The following FREM2 variants were observed in gnomAD, a reference collection of about 807,000 sequenced individuals.
FREM2 encodes the protein FRAS1 related extracellular matrix 2, also known as FRAS1-related extracellular matrix protein 2.
A neutral mutation model predicts 219.9 loss-of-function variants in FREM2; 119 were observed. That is an observed-to-expected ratio of 0.54 (90% CI 0.47 to 0.63). FREM2 has a LOEUF of 0.63. Among genes scored for constraint, FREM2 ranks in the 30% least tolerant of loss-of-function variants. The pLI is 0.00. For missense variants in FREM2, 4,030 were observed against 3,993.6 expected (o/e 1.01, Z -0.25); for synonymous variants, 1,562 against 1,522.8 (o/e 1.03, Z -0.60).
intron 6 of FREM2, among the ~76,000 whole-genome samples, chr13:38,820,321 C>T (rs889827409): frequency 3.3e-5 from 5 of 152,058 alleles, no homozygotes; most frequent in African/African-American, 1.2e-4. Flanking sequence ...CACTATCTGC[C>T]TGATTCCCAT....
chr13:38,790,059 C>A (rs2137837505), intron 6 of FREM2, among the ~76,000 whole-genome samples: 1 of 152,146 alleles, frequency 6.6e-6, no homozygotes, highest in African/African-American at 2.4e-5. Context: ...GGGTCGATTT[C>A]TATGTTATGT....
In FREM2 at chr13:38,687,562, T is replaced by C. The variant is rs2138061357; in HGVS notation, c.218T>C (p.Val73Ala). 1 of 1,603,040 alleles carries C rather than the reference T, an allele frequency of 6.2e-7. No individual in the cohort carries two copies. The highest frequency in any genetic ancestry group is 8.5e-7 in the Non-Finnish European group (1 of 1,174,384). ...GGGGTCCCTGCTGAGGAGGCCATAGTGCTGGCGAACCGCGGACTCCGGGTG... is the reference window on the plus strand; with the variant it reads ...GGGGTCCCTGCTGAGGAGGCCATAGCGCTGGCGAACCGCGGACTCCGGGTG... ...AAGVPAEEAI[V>A]LANRGLRVPF... The change falls in exon 1 of 24, where the codon GTG becomes GCG. Residue 73 changes from valine (V) to alanine (A), a missense_variant. Coordinates refer to ENST00000280481, the MANE Select transcript of FREM2 (RefSeq NM_207361.6).
Position 38,881,010 on chromosome 13 carries a change from C to A in FREM2, c.*223C>A. The A allele has an allele frequency of 1.6e-6, 1 of 614,140 alleles. No homozygotes were observed. The highest frequency in any genetic ancestry group is 2.9e-6 in the Non-Finnish European group (1 of 341,474). The allele number at this position is 614,140 out of a possible 1,614,324, so 38.0% of individuals were successfully genotyped here. ...CCTCTTGCCCCAAAGGCAGCAACAA[C>A]GTACTCATATGTACACAGAGCCATG... On this transcript the variant is annotated 3_prime_UTR_variant, in exon 24 of 24. Coordinates refer to ENST00000280481, the MANE Select transcript of FREM2 (RefSeq NM_207361.6).
chr13:38,736,516 T>C (rs1289770158), intron 2 of FREM2, among the ~76,000 whole-genome samples: 1 of 152,238 alleles, frequency 6.6e-6, no homozygotes, highest in East Asian at 1.9e-4. Flanking sequence ...TTTGACGGTT[T>C]ACAACAAAAT....
chr13:38,775,319 T>C (rs1294662497), intron 4 of FREM2, among the ~76,000 whole-genome samples: 2 of 152,186 alleles, frequency 1.3e-5, no homozygotes, highest in Non-Finnish European at 2.9e-5. Flanking sequence ...GAAACGATAG[T>C]ACGCTGCAGA....
chr13:38,814,588 TATGCTGAGTCAC>T (rs1461725266), intron 6 of FREM2, among the ~76,000 whole-genome samples: 3 of 152,156 alleles, frequency 2.0e-5, no homozygotes, highest in Non-Finnish European at 1.5e-5. Flanking sequence ...CTGTTGGAAC[TATGCTGAGTCAC>T]ACCTGAAGCC....
At chr13:38,721,411 G>C (rs1871243369) in intron 2 of FREM2, among the ~76,000 whole-genome samples, 1 of 152,166 alleles carries the variant, frequency 6.6e-6, no homozygotes, top group Non-Finnish European at 1.5e-5. Context: ...CAGCAGAGCA[G>C]AGGTAGCATA....
At chr13:38,693,065 T>C (rs900290738) in intron 1 of FREM2, among the ~76,000 whole-genome samples, 1 of 152,214 alleles carries the variant, frequency 6.6e-6, no homozygotes, top group African/African-American at 2.4e-5. Context: ...TTATTTACTT[T>C]GTTGATTTTT....
intron 2 of FREM2, among the ~76,000 whole-genome samples, chr13:38,744,596 A>T (rs1233899992): frequency 6.6e-6 from 1 of 151,998 alleles, no homozygotes; most frequent in East Asian, 1.9e-4. Flanking sequence ...TGTTCAAGCA[A>T]TTCTCCTGCC....
chr13:38,772,536 T>C (rs978766017), intron 4 of FREM2, among the ~76,000 whole-genome samples: 1 of 152,214 alleles, frequency 6.6e-6, no homozygotes, highest in South Asian at 2.1e-4. Flanking sequence ...ACAGTGTGTT[T>C]AGCACATTAT....
At chr13:38,744,877 C>G (rs1448198153) in intron 2 of FREM2, among the ~76,000 whole-genome samples, 2 of 152,206 alleles carry the variant, frequency 1.3e-5, no homozygotes, top group Admixed American at 1.3e-4. Context: ...GCAGATTTTT[C>G]TACAGTAATT....
intron 1 of FREM2, among the ~76,000 whole-genome samples, chr13:38,696,835 T>A (rs1216875672): frequency 6.9e-6 from 1 of 145,592 alleles, no homozygotes; most frequent in Non-Finnish European, 1.5e-5. Context: ...TGAGACAGGG[T>A]CTCATTCTCT....
chr13:38,745,313 A>G (rs1212806355), intron 2 of FREM2, among the ~76,000 whole-genome samples: 2 of 152,208 alleles, frequency 1.3e-5, no homozygotes, highest in Non-Finnish European at 2.9e-5. Flanking sequence ...ATGTCTTCCT[A>G]AAGAAGTTCC....
intron 6 of FREM2, among the ~76,000 whole-genome samples, chr13:38,787,736 A>G (rs1280638766): frequency 2.0e-5 from 3 of 149,616 alleles, no homozygotes; most frequent in Non-Finnish European, 4.4e-5. Context: ...TATTATTGTT[A>G]TTTATTAATG....
At chr13:38,876,985 G>A in intron 20 of FREM2, 132 bp from the exon 21 acceptor site, 1 of 1,061,212 alleles carries the variant, frequency 9.4e-7, no homozygotes, top group Non-Finnish European at 1.5e-6. Context: ...GAGTTAGCTT[G>A]GTAGGGTGTG....
chr13:38,762,743 T>C (rs957189214), intron 2 of FREM2, among the ~76,000 whole-genome samples: 5 of 152,170 alleles, frequency 3.3e-5, no homozygotes, highest in Non-Finnish European at 7.3e-5. Context: ...CCCCAATCTA[T>C]TTATATTTTA....
At chr13:38,852,552 T>C (rs1418425817) in intron 11 of FREM2, among the ~76,000 whole-genome samples, 2 of 152,188 alleles carry the variant, frequency 1.3e-5, no homozygotes, top group Non-Finnish European at 2.9e-5. Flanking sequence ...ACCAGCAATC[T>C]AAATCTAAAC....
intron 2 of FREM2, among the ~76,000 whole-genome samples, chr13:38,715,083 A>C (rs533343982): frequency 1.3e-5 from 2 of 152,228 alleles, no homozygotes; most frequent in Non-Finnish European, 2.9e-5. Context: ...CAAGAGTGAG[A>C]CTCTGTCCCA....
intron 11 of FREM2, among the ~76,000 whole-genome samples, chr13:38,854,968 C>T (rs1188172479): frequency 6.6e-6 from 1 of 152,064 alleles, no homozygotes; most frequent in Admixed American, 6.6e-5. Flanking sequence ...GCTTTATAGG[C>T]TTTATATTTT....
Sources: allele counts gnomAD v4.1 joint callset (sites outside exome capture counted in the v4.1 genomes callset), GRCh38; gene constraint gnomAD v4.1.1; transcripts MANE v1.5; gene names NCBI Gene and HGNC (gene_info 2026-07-23, HGNC 2026-07-21).